The following SMPDL3B variants were observed in gnomAD, a reference collection of about 807,000 sequenced individuals.
SMPDL3B encodes the protein sphingomyelin phosphodiesterase acid like 3B, also known as acid sphingomyelinase-like phosphodiesterase 3b.
SMPDL3B carries 31 observed loss-of-function variants against 37.9 expected under a neutral mutation model. The ratio of observed to expected loss-of-function variants is 0.82; its 90% CI spans 0.61 to 1.10. The LOEUF (loss-of-function observed/expected upper bound fraction) is 1.10. SMPDL3B is among the 50% of genes least tolerant of loss of function. SMPDL3B has a pLI of 0.00. For synonymous variants in SMPDL3B, 235 were observed against 242.6 expected, an observed-to-expected ratio of 0.97 and a Z score of 0.29; for missense variants, 525 against 597.8, an observed-to-expected ratio of 0.88 and a Z score of 1.27.
At chr1:27,946,165 C>T (rs758923835) in intron 2 of SMPDL3B, among the ~76,000 whole-genome samples, 14 of 151,948 alleles carry the variant, frequency 9.2e-5, no homozygotes, top group Non-Finnish European at 1.8e-4. Context: ...CCATCCTGGC[C>T]AACATGGTGA....
chr1:27,937,498 A>G (rs998445749), intron 1 of SMPDL3B, among the ~76,000 whole-genome samples: 1 of 152,236 alleles, frequency 6.6e-6, no homozygotes, highest in Non-Finnish European at 1.5e-5. Flanking sequence ...TCCATTTACA[A>G]AGGATGAATT....
chr1:27,947,617 C>CA (rs561983354), intron 2 of SMPDL3B, among the ~76,000 whole-genome samples: 1,644 of 85,446 alleles, frequency 0.019, 42 homozygotes, highest in African/African-American at 0.061. Flanking sequence ...GACTCCATCT[C>CA]AAAAAAAAAA....
chr1:27,958,610 C>A lies in SMPDL3B; in HGVS notation c.1140C>A (p.Asp380Glu). 1 of 1,613,734 alleles carries A rather than the reference C, an allele frequency of 6.2e-7. No individual in the cohort carries two copies. The highest frequency in any genetic ancestry group is 1.1e-5 in the South Asian group (1 of 91,090). Reference sequence around the variant, plus strand: ...CCCACTCCATGCACACAGTGCTGGACCGCATCGCTGGCGACCAGAGCACAC... The same window carrying A: ...CCCACTCCATGCACACAGTGCTGGAACGCATCGCTGGCGACCAGAGCACAC... Reference protein sequence around the residue: ...ASAHSMHTVLDRIAGDQSTLQ... With the variant: ...ASAHSMHTVLERIAGDQSTLQ... The change falls in exon 8 of 8, where the codon GAC (aspartate) becomes GAA (glutamate). Residue 380 changes from aspartate (D) to glutamate (E), a missense_variant. By Grantham distance (45) the Asp-to-Glu change is conservative. Transcript: ENST00000373894. This position sits in a 1 kb window ranked among gnomAD's most constrained non-coding sequence, Gnocchi z 5.6.
chr1:27,936,307 G>A (rs2148671458), intron 1 of SMPDL3B, among the ~76,000 whole-genome samples: 1 of 152,118 alleles, frequency 6.6e-6, no homozygotes, highest in South Asian at 2.1e-4. Flanking sequence ...CCAAAAATTA[G>A]CTGGGTGTGG....
Position 27,958,534 on chromosome 1 carries a change from G to T in SMPDL3B, c.1064G>T (p.Trp355Leu), listed in dbSNP as rs914586859. Residue 355 changes from tryptophan (W) to leucine (L), a missense_variant, in exon 8 of 8, where the codon TGG (tryptophan) becomes TTG (leucine). Coordinates refer to ENST00000373894, the MANE Select transcript of SMPDL3B (RefSeq NM_014474.4). This position sits in a 1 kb window ranked among gnomAD's most constrained non-coding sequence, Gnocchi z 5.6. The stretch of plus-strand genomic sequence containing the variant: ...GCGAATGCTCAGGGGACGCCGCGCT[G>T]GGAGCTCGAGTACCAGCTGACCGAG... ...SQANAQGTPR[W>L]ELEYQLTEAY... 11 of 1,613,690 alleles carry T rather than the reference G, an allele frequency of 6.8e-6. No homozygotes were observed. In the Admixed American group the frequency reaches 1.5e-4, roughly 22 times the overall value.
chr1:27,952,452 G>A (rs1265576192), intron 3 of SMPDL3B, among the ~76,000 whole-genome samples: 2 of 152,170 alleles, frequency 1.3e-5, no homozygotes, highest in Non-Finnish European at 2.9e-5. Context: ...AGTTATTTTT[G>A]TTGATTGTCA....
intron 1 of SMPDL3B, among the ~76,000 whole-genome samples, chr1:27,941,987 GCACA>G (rs1377438523): frequency 2.0e-5 from 3 of 152,028 alleles, no homozygotes; most frequent in Admixed American, 6.6e-5. Flanking sequence ...CCTGGAGTCA[GCACA>G]CACACATGCA....
intron 3 of SMPDL3B, among the ~76,000 whole-genome samples, chr1:27,952,263 A>G (rs1482399965): frequency 6.6e-6 from 1 of 151,836 alleles, no homozygotes; most frequent in Non-Finnish European, 1.5e-5. Flanking sequence ...CGTTTTGACA[A>G]CCTCCTACTT....
intron 3 of SMPDL3B, among the ~76,000 whole-genome samples, chr1:27,952,979 C>T (rs929408110): frequency 6.6e-6 from 1 of 152,202 alleles, no homozygotes; most frequent in Non-Finnish European, 1.5e-5. Context: ...AACTAGGAAA[C>T]TTTCTGCTGG....
chr1:27,941,732 G>T (rs1183042689), intron 1 of SMPDL3B, among the ~76,000 whole-genome samples: 1 of 152,192 alleles, frequency 6.6e-6, no homozygotes, highest in Non-Finnish European at 1.5e-5. Flanking sequence ...GGAGGCAGCC[G>T]CATGATGATG....
At chr1:27,942,517 C>T (rs1423286533) in intron 1 of SMPDL3B, among the ~76,000 whole-genome samples, 1 of 152,202 alleles carries the variant, frequency 6.6e-6, no homozygotes, top group Non-Finnish European at 1.5e-5. Flanking sequence ...CTTGCTGTGT[C>T]GCACAGGCAG....
Position 27,945,363 on chromosome 1 carries a change from G to A in SMPDL3B, c.193G>A (p.Asp65Asn). Residue 65 changes from aspartate (D) to asparagine (N), a missense_variant, in exon 2 of 8, where the codon GAT (aspartate) becomes AAT (asparagine). By Grantham distance (23) the Asp-to-Asn change is conservative. Transcript: ENST00000373894. This position sits in a 1 kb window ranked among gnomAD's most constrained non-coding sequence, Gnocchi z 4.0. ...DAGPWGDYLCDSPWALINSSI... is the reference protein window; with the variant it reads ...DAGPWGDYLCNSPWALINSSI... ...AGGCCCCTGGGGTGACTACCTCTGT[G>A]ATTCTCCCTGGGCCCTCATCAACTC... 1 of 1,614,164 alleles carries A rather than the reference G, an allele frequency of 6.2e-7. No individual in the cohort carries two copies. The highest frequency in any genetic ancestry group is 8.5e-7 in the Non-Finnish European group (1 of 1,180,012).
intron 7 of SMPDL3B, chr1:27,956,587 A>T: frequency 1.4e-6 from 1 of 691,800 alleles, no homozygotes; most frequent in Non-Finnish European, 1.8e-6. Context: ...TCGTAGGATG[A>T]GCTTGTGGTT....
chr1:27,946,119 C>T (rs945933289), intron 2 of SMPDL3B, among the ~76,000 whole-genome samples: 1 of 151,980 alleles, frequency 6.6e-6, no homozygotes, highest in Admixed American at 6.6e-5. Context: ...TTTGGGAGGC[C>T]GAGGCAGTGG....
In SMPDL3B at chr1:27,955,704, G is replaced by A; in HGVS notation, c.711G>A (p.Val237=). 2 of 1,613,774 alleles carry A rather than the reference G, an allele frequency of 1.2e-6. No individual in the cohort carries two copies. The highest frequency in any genetic ancestry group is 1.1e-5 in the South Asian group (1 of 91,064). ...AGDMVYIVGH[V]PPGFFEKTQN... ...TGTAGGTGTACATTGTCGGCCACGT[G>A]CCCCCGGGGTTCTTTGAGAAGACGC... The change falls in exon 6 of 8, where the codon GTG becomes GTA. Residue 237 remains valine, a synonymous_variant. Transcript: ENST00000373894.
At position 27,954,527 on chromosome 1, in the gene SMPDL3B, G is replaced by A; in HGVS notation, c.690+1G>A. 2 of 1,613,408 alleles carry A rather than the reference G, an allele frequency of 1.2e-6. No homozygotes were observed. Among genetic ancestry groups the A allele is most frequent in the East Asian group, 4.5e-5 (2 of 44,882 alleles). ...CGATGCATCCAAAGCTGGGGACATG[G>A]TAAGAGGCCCTGCTTCTTTCTTTTC... On this transcript the variant is annotated splice_donor_variant, in intron 5 of 7. Transcript: ENST00000373894. LOFTEE classifies it high-confidence loss of function.
chr1:27,941,525 C>T (rs761991872), intron 1 of SMPDL3B: 2 of 152,248 alleles, frequency 1.3e-5, no homozygotes, highest in Non-Finnish European at 2.9e-5. Context: ...TTGGTGCTCT[C>T]ATGGAACTGA....
chr1:27,959,130 A>C lies in SMPDL3B; in HGVS notation c.*292A>C. 3 of 348,862 alleles carry C rather than the reference A, an allele frequency of 8.6e-6. No individual in the cohort carries two copies. Among genetic ancestry groups the C allele is most frequent in the East Asian group, 4.7e-5 (1 of 21,194 alleles). The allele number at this position is 348,862 out of a possible 1,614,324, so 21.6% of individuals were successfully genotyped here. ...TTTGCGTATTATGTTTAACTCACAA[A>C]ACAAAGCTCATCATGCGTTTGATTC... On this transcript the variant is annotated 3_prime_UTR_variant, in exon 8 of 8. Coordinates refer to ENST00000373894, the MANE Select transcript of SMPDL3B (RefSeq NM_014474.4).
chr1:27,949,002 C>T (rs1455005751), intron 2 of SMPDL3B, 63 bp from the exon 3 acceptor site: 1 of 1,611,720 alleles, frequency 6.2e-7, no homozygotes, highest in African/African-American at 1.3e-5. Flanking sequence ...AGAGCTGTCC[C>T]TTCCTTTTCT....
Sources: allele counts gnomAD v4.1 joint callset (sites outside exome capture counted in the v4.1 genomes callset), GRCh38; gene constraint gnomAD v4.1.1; non-coding constraint Gnocchi (gnomAD v3.1); transcripts MANE v1.5; gene names NCBI Gene and HGNC (gene_info 2026-07-23, HGNC 2026-07-21).